Variants in UNC79 observed in about 807,000 individuals in gnomAD.
UNC79 encodes unc-79 subunit of NALCN channel complex, also known as protein unc-79 homolog.
A neutral mutation model predicts 283.1 loss-of-function variants in UNC79; 37 were observed. The observed-to-expected ratio is 0.13, with a 90% CI of 0.10 to 0.17. UNC79 has a LOEUF of 0.17. Ranked by LOEUF, UNC79 falls within the 10% of genes least tolerant of loss-of-function variation. The pLI is 1.00. For missense variants in UNC79, 2,272 were observed against 3,211.1 expected (o/e 0.71, Z 7.07); for synonymous variants, 1,107 against 1,200.2 (o/e 0.92, Z 1.61).
At chr14:93,567,458 C>T (rs995765846) in intron 14 of UNC79, among the ~76,000 whole-genome samples, 9 of 152,096 alleles carry the variant, frequency 5.9e-5, no homozygotes, top group Non-Finnish European at 1.2e-4. Context: ...AACACCTGAC[C>T]TCAGGTGATC....
chr14:93,413,978 G>A (rs937972698), intron 1 of UNC79, among the ~76,000 whole-genome samples: 85 of 151,646 alleles, frequency 5.6e-4, no homozygotes, highest in African/African-American at 1.9e-3. Context: ...TTTGTAGGTT[G>A]CCTCTTCACT....
chr14:93,633,492 G>A (rs775825310), intron 31 of UNC79, among the ~76,000 whole-genome samples: 8 of 152,156 alleles, frequency 5.3e-5, no homozygotes, highest in Non-Finnish European at 8.8e-5. Flanking sequence ...CGGTCATCCC[G>A]GTCTCTACCA....
intron 11 of UNC79, among the ~76,000 whole-genome samples, chr14:93,533,140 T>G (rs1199788768): frequency 6.6e-6 from 1 of 151,968 alleles, no homozygotes; most frequent in Non-Finnish European, 1.5e-5. Context: ...TTGAAAAGAG[T>G]AAGAGGAGGC....
At chr14:93,544,963 T>C (rs1230121292) in intron 14 of UNC79, among the ~76,000 whole-genome samples, 1 of 152,192 alleles carries the variant, frequency 6.6e-6, no homozygotes, top group Non-Finnish European at 1.5e-5. Context: ...TTATATCATA[T>C]TGTCCCACTT....
At chr14:93,615,720 C>CAAAAAAAAA (rs1158073507) in intron 27 of UNC79, among the ~76,000 whole-genome samples, 27 of 23,264 alleles carry the variant, frequency 1.2e-3, no homozygotes, top group Middle Eastern at 0.036. Flanking sequence ...GACTCCATCT[C>CAAAAAAAAA]AAAAAAAAAA....
At chr14:93,372,374 A>C (rs1040037852) in intron 1 of UNC79, among the ~76,000 whole-genome samples, 2 of 152,242 alleles carry the variant, frequency 1.3e-5, no homozygotes, top group Non-Finnish European at 2.9e-5. Context: ...GTTAAAAGAC[A>C]GAGATTGTCA....
chr14:93,373,825 C>G lies in UNC79; in HGVS notation c.-351+40302C>G, dbSNP rs145734163. ...AAAGAAAAAAACTACAACCCAGTAT[C>G]TCTCATCAACATAGATGCAAAAAAC... On this transcript the variant is annotated intron_variant, in intron 1 of 49. Coordinates refer to the UNC79 transcript ENST00000256339. Among the ~76,000 whole-genome samples, 52 of 152,322 alleles carry G rather than the reference C, an allele frequency of 3.4e-4. 1 individual carries two copies. The East Asian group carries it at 7.5e-3, about 22-fold the overall frequency.
intron 1 of UNC79, among the ~76,000 whole-genome samples, chr14:93,377,626 A>T (rs2054588255): frequency 6.6e-6 from 1 of 152,214 alleles, no homozygotes; most frequent in Admixed American, 6.5e-5. Flanking sequence ...CTCAAACTCT[A>T]CATTTAGGAC....
intron 1 of UNC79, among the ~76,000 whole-genome samples, chr14:93,349,972 C>T (rs1317482005): frequency 6.6e-6 from 1 of 152,106 alleles, no homozygotes; most frequent in Non-Finnish European, 1.5e-5. Context: ...AGGATAAATG[C>T]TTCCAGGTAA....
chr14:93,416,014 A>C (rs1250712084), intron 1 of UNC79, among the ~76,000 whole-genome samples: 1 of 151,300 alleles, frequency 6.6e-6, no homozygotes, highest in Non-Finnish European at 1.5e-5. Context: ...TTGTGTCTCT[A>C]TTTCCTTCAG....
rs181844734 is a variant in UNC79 at position 93,519,927 on chromosome 14, T to A, written c.899-4051T>A. On this transcript the variant is annotated intron_variant, in intron 7 of 48. Coordinates refer to ENST00000555664, the Ensembl canonical transcript of UNC79. ...TTTTTGTTTTAAATAATCAACCATC[T>A]TTTAACAACATATTAATATGAGTAA... Among the ~76,000 whole-genome samples, 1,064 of 152,020 alleles carry A rather than the reference T, an allele frequency of 7.0e-3. 6 individuals carry two copies. The highest frequency in any genetic ancestry group is 0.02 in the South Asian group (96 of 4,824).
intron 1 of UNC79, chr14:93,348,163 T>C: frequency 8.0e-7 from 1 of 1,254,580 alleles, no homozygotes; most frequent in East Asian, 2.3e-5. Flanking sequence ...CAAAAAACTT[T>C]CAGAAAAAGC....
intron 27 of UNC79, among the ~76,000 whole-genome samples, chr14:93,613,845 G>A (rs548268516): frequency 6.3e-4 from 96 of 152,026 alleles, no homozygotes; most frequent in Non-Finnish European, 1.2e-3. Flanking sequence ...GTATCTTAAT[G>A]AAGAAATCTT....
chr14:93,408,069 G>T (rs935824068), intron 1 of UNC79, among the ~76,000 whole-genome samples: 1 of 152,082 alleles, frequency 6.6e-6, no homozygotes, highest in Non-Finnish European at 1.5e-5. Flanking sequence ...AAAATTACAA[G>T]GCATAATTAA....
chr14:93,634,588 G>A (rs776185314), intron 31 of UNC79: 2 of 1,614,166 alleles, frequency 1.2e-6, no homozygotes, highest in South Asian at 2.2e-5. Context: ...TGAAGCGGCA[G>A]CTGGAGCATC....
chr14:93,510,604 G>A lies in UNC79; in HGVS notation c.898+13318G>A, dbSNP rs372351695. On this transcript the variant is annotated intron_variant, in intron 7 of 48. Transcript: ENST00000555664. ...AAGTTCTACAGATCCCTAGAGCAGC[G>A]GCACAATTCTGCCATTCTCTTTGTT... 4.3e-4 allele frequency among the ~76,000 whole-genome samples: 65 copies of A among 152,226 alleles called. 1 individual carries two copies. The South Asian group carries it at 9.1e-3, about 21-fold the overall frequency.
intron 7 of UNC79, among the ~76,000 whole-genome samples, chr14:93,522,383 C>T (rs949134572): frequency 2.2e-4 from 34 of 151,854 alleles, no homozygotes; most frequent in African/African-American, 5.8e-4. Flanking sequence ...TCTTGGAGCA[C>T]AGTGATAAGA....
intron 1 of UNC79, among the ~76,000 whole-genome samples, chr14:93,359,182 G>A (rs1373573859): frequency 1.3e-5 from 2 of 152,180 alleles, no homozygotes; most frequent in Non-Finnish European, 2.9e-5. Context: ...CTGAAATATG[G>A]ATTAAAAGAT....
At chr14:93,543,539 A>T (rs895368476) in intron 14 of UNC79, among the ~76,000 whole-genome samples, 8 of 151,774 alleles carry the variant, frequency 5.3e-5, no homozygotes, top group Admixed American at 2.0e-4. Flanking sequence ...AATTAAAAAA[A>T]TTTTTTTGGT....
Sources: gnomAD v4.1 joint callset for allele counts (sites outside exome capture counted in the v4.1 genomes callset) on GRCh38, gnomAD v4.1.1 for gene constraint, MANE v1.5 for transcripts, NCBI Gene and HGNC (gene_info 2026-07-23, HGNC 2026-07-21) for gene names.